Variants in PIK3C2G observed in about 807,000 individuals in gnomAD.
PIK3C2G encodes the protein phosphatidylinositol 3-kinase C2 domain-containing subunit gamma.
In PIK3C2G, 168 loss-of-function variants were observed where a neutral mutation model predicts 181.1. The ratio of observed to expected loss-of-function variants is 0.93; its 90% CI spans 0.82 to 1.05. The LOEUF (loss-of-function observed/expected upper bound fraction) is 1.05, where lower values mean the gene tolerates loss of function less well. Among genes scored for constraint, PIK3C2G ranks in the 50% least tolerant of loss-of-function variants. PIK3C2G has a pLI of 0.00. For synonymous variants in PIK3C2G, 573 were observed against 592.2 expected, an observed-to-expected ratio of 0.97 and a Z score of 0.47; for missense variants, 1,869 against 1,732.8, an observed-to-expected ratio of 1.08 and a Z score of -1.40.
At position 18,640,522 on chromosome 12, in the gene PIK3C2G, C is replaced by T. The variant is rs1357943621; in HGVS notation, c.4276C>T (p.Pro1426Ser). 1.9e-6 allele frequency: 3 copies of T among 1,602,670 alleles called. No homozygotes were observed. Among genetic ancestry groups the T allele is most frequent in the Non-Finnish European group, 2.6e-6 (3 of 1,173,490 alleles). ...EVRRRKTKSVPKCTDPTYNEI... is the reference protein window; with the variant it reads ...EVRRRKTKSVSKCTDPTYNEI... ...TCGTAGGAGGAAAACAAAATCTGTT[C>T]CAAAATGTACGGACCCCACTTACAA... Residue 1426 changes from proline to serine, a missense_variant, in exon 32 of 33, where the codon CCA becomes TCA. Transcript: ENST00000538779.
chr12:18,621,512 CAA>C (rs774888968), intron 31 of PIK3C2G, among the ~76,000 whole-genome samples: 1 of 151,470 alleles, frequency 6.6e-6, no homozygotes, highest in Non-Finnish European at 1.5e-5. Context: ...TTCGTCAAGT[CAA>C]AGATTAAATA....
At chr12:18,367,795 T>C in intron 12 of PIK3C2G, among the ~76,000 whole-genome samples, 1 of 152,086 alleles carries the variant, frequency 6.6e-6, no homozygotes. Context: ...TGACCTCAGG[T>C]GATCTGCCCA....
the PIK3C2G span, among the ~76,000 whole-genome samples, chr12:18,716,881 A>G: frequency 6.6e-6 from 1 of 152,222 alleles, no homozygotes; most frequent in Non-Finnish European, 1.5e-5. Context: ...ACATTAAGAT[A>G]TTGAATGCTT....
intron 19 of PIK3C2G, among the ~76,000 whole-genome samples, 191 bp downstream of exon 19, chr12:18,488,820 T>C (rs569773042): frequency 1.3e-5 from 2 of 152,086 alleles, no homozygotes; most frequent in Non-Finnish European, 2.9e-5. Flanking sequence ...CACCAGGACA[T>C]GGTTTTTTGA....
At chr12:18,541,198 G>T (rs1329002260) in intron 25 of PIK3C2G, among the ~76,000 whole-genome samples, 2 of 151,920 alleles carry the variant, frequency 1.3e-5, no homozygotes, top group African/African-American at 4.8e-5. Context: ...CAGTCCCCAG[G>T]ATTATGGGCC....
chr12:18,455,140 G>A (rs1163176307), intron 18 of PIK3C2G, among the ~76,000 whole-genome samples: 1 of 152,166 alleles, frequency 6.6e-6, no homozygotes, highest in Non-Finnish European at 1.5e-5. Flanking sequence ...GAATATACCA[G>A]CAAGACCAAA....
the PIK3C2G span, among the ~76,000 whole-genome samples, chr12:18,658,491 T>A: frequency 6.6e-6 from 1 of 152,156 alleles, no homozygotes; most frequent in Admixed American, 6.6e-5. Context: ...AATGGCTGAT[T>A]GTTACCACAG....
the PIK3C2G span, among the ~76,000 whole-genome samples, chr12:18,712,228 C>T: frequency 1.3e-5 from 2 of 152,174 alleles, no homozygotes; most frequent in East Asian, 1.9e-4. Flanking sequence ...AAATTAGCCA[C>T]GTTTATAAAT....
chr12:18,646,879 A>G (rs967036185), intron 32 of PIK3C2G, among the ~76,000 whole-genome samples: 11 of 152,042 alleles, frequency 7.2e-5, no homozygotes, highest in Non-Finnish European at 1.2e-4. Flanking sequence ...CTTCCTGAAC[A>G]TTATAAAAGG....
At chr12:18,276,846 A>T (rs1400085890) in intron 1 of PIK3C2G, among the ~76,000 whole-genome samples, 2 of 152,202 alleles carry the variant, frequency 1.3e-5, no homozygotes, top group African/African-American at 2.4e-5. Context: ...TATTAAAGTC[A>T]ATATCTCTCA....
At chr12:18,721,375 C>T in the PIK3C2G span, among the ~76,000 whole-genome samples, 1 of 151,864 alleles carries the variant, frequency 6.6e-6, no homozygotes, top group African/African-American at 2.4e-5. Context: ...CCAAAGTGAT[C>T]AATAATCATG....
At position 18,424,002 on chromosome 12, in the gene PIK3C2G, T is replaced by C. The variant is rs1383868974; in HGVS notation, c.2467T>C (p.Ser823Pro). Residue 823 changes from serine to proline, a missense_variant, in exon 18 of 33, where the codon TCC (serine) becomes CCC (proline). Ser to Pro is a moderately conservative substitution (Grantham distance 74). Transcript: ENST00000538779. ...TTTAGTGCAACTTCTACTCCACCGC[T>C]CCTTGCAGAGCATCCAGGTTGCCCA... ...SPLVQLLLHR[S>P]LQSIQVAHRL... The C allele has an allele frequency of 3.1e-6, 5 of 1,611,668 alleles. No individual in the cohort carries two copies. Among genetic ancestry groups the C allele is most frequent in the Admixed American group, 1.7e-5 (1 of 59,734 alleles).
rs185391986 is a variant in PIK3C2G, at chr12:18,519,340, T to C, written c.3323+13879T>C. On this transcript the variant is annotated intron_variant, in intron 24 of 32. Transcript: ENST00000538779. ...GGGATGTTAAAGTATCCCACTATTA[T>C]TGTGTGGGAGTCTCAGTCTCTTTGT... Among the ~76,000 whole-genome samples, 546 of 152,296 alleles carry C rather than the reference T, an allele frequency of 3.6e-3. 9 individuals carry two copies. Among genetic ancestry groups the C allele is most frequent in the African/African-American group, 0.013 (520 of 41,546 alleles).
At chr12:18,679,169 C>T in the PIK3C2G span, among the ~76,000 whole-genome samples, 1 of 151,946 alleles carries the variant, frequency 6.6e-6, no homozygotes, top group Non-Finnish European at 1.5e-5. Context: ...ATTTTTCTTA[C>T]TGGGTTGTCA....
At chr12:18,693,195 G>A in the PIK3C2G span, 2 of 1,565,064 alleles carry the variant, frequency 1.3e-6, no homozygotes, top group Admixed American at 3.3e-5. Context: ...TTCATTTGCA[G>A]ACAAGGATCT....
chr12:18,639,332 G>C (rs976716057), intron 31 of PIK3C2G, among the ~76,000 whole-genome samples: 3 of 152,022 alleles, frequency 2.0e-5, no homozygotes, highest in African/African-American at 7.2e-5. Context: ...AGCTAATGGA[G>C]CTGGGTGTGG....
intron 18 of PIK3C2G, among the ~76,000 whole-genome samples, chr12:18,482,496 T>TA (rs1192667918): frequency 6.6e-6 from 1 of 152,064 alleles, no homozygotes. Context: ...CCTCTACCTA[T>TA]AAAAAGAGTG....
At chr12:18,463,010 T>C (rs1241709817) in intron 18 of PIK3C2G, among the ~76,000 whole-genome samples, 2 of 152,184 alleles carry the variant, frequency 1.3e-5, no homozygotes, top group African/African-American at 4.8e-5. Flanking sequence ...ATAGCCTTTA[T>C]TGGATACACT....
At chr12:18,257,678 AAG>A (rs1274984902), upstream of PIK3C2G, among the ~76,000 whole-genome samples, 5 of 151,654 alleles carry the variant, frequency 3.3e-5, no homozygotes, top group Non-Finnish European at 5.9e-5. Context: ...GAAAGAGAGA[AAG>A]AAAGAAGAAA....
Sources: allele counts gnomAD v4.1 joint callset (sites outside exome capture counted in the v4.1 genomes callset), GRCh38; gene constraint gnomAD v4.1.1; transcripts MANE v1.5; gene names NCBI Gene and HGNC (gene_info 2026-07-23, HGNC 2026-07-21).